DTNA: variants seen among roughly 807,000 people sequenced by gnomAD.
DTNA encodes the protein dystrobrevin alpha, also known as dystrophin-related protein 3.
Under a neutral mutation model 100.7 loss-of-function variants are expected in DTNA, and 43 were observed. That is an observed-to-expected ratio of 0.43 (90% CI 0.33 to 0.55). The LOEUF is 0.55. DTNA is among the 20% of genes least tolerant of loss of function. The probability of loss-of-function intolerance (pLI) is 0.04; values close to 1 mark genes in which losing one functional copy is unlikely to be tolerated. For synonymous variants in DTNA, 349 were observed against 347.9 expected (o/e 1.00, Z -0.04); for missense variants, 798 against 953.9 (o/e 0.84, Z 2.15).
chr18:34,862,140 A>AAAG (rs572649368), intron 16 of DTNA, among the ~76,000 whole-genome samples: 7,548 of 146,914 alleles, frequency 0.051, 669 homozygotes, highest in African/African-American at 0.18. Flanking sequence ...AAAAAAAAAA[A>AAAG]AAAGAGAAAG....
At chr18:34,755,865 T>A (rs1291513127) in intron 1 of DTNA, 111 bp from the exon 2 acceptor site, 1 of 917,640 alleles carries the variant, frequency 1.1e-6, no homozygotes, top group Non-Finnish European at 1.7e-6. Flanking sequence ...CAGTTTTAAA[T>A]AGGTTTTCTA....
chr18:34,818,517 T>C, intron 8 of DTNA, 187 bp downstream of exon 8: 1 of 1,475,336 alleles, frequency 6.8e-7, no homozygotes, highest in Non-Finnish European at 9.0e-7. Context: ...TGGAACCCAG[T>C]GTAGCTTCCT....
intron 13 of DTNA, among the ~76,000 whole-genome samples, chr18:34,842,033 AT>A (rs1465142414): frequency 1.3e-5 from 2 of 152,164 alleles, no homozygotes; most frequent in East Asian, 3.8e-4. Flanking sequence ...AATAATTTGT[AT>A]GCACCTTCCT....
chr18:34,856,865 T>A (rs1005489061), intron 15 of DTNA, among the ~76,000 whole-genome samples: 1 of 152,238 alleles, frequency 6.6e-6, no homozygotes, highest in African/African-American at 2.4e-5. Flanking sequence ...TTTCCTTCCT[T>A]GGACCAAATG....
chr18:34,647,676 A>C (rs1270970790), intron 1 of DTNA, among the ~76,000 whole-genome samples: 1 of 152,212 alleles, frequency 6.6e-6, no homozygotes, highest in Non-Finnish European at 1.5e-5. Context: ...AATTATGAAA[A>C]ATTTAGCAAG....
chr18:34,521,584 A>T (rs1259582461), intron 1 of DTNA, among the ~76,000 whole-genome samples: 1 of 151,954 alleles, frequency 6.6e-6, no homozygotes, highest in Non-Finnish European at 1.5e-5. Flanking sequence ...GCTTCATCTC[A>T]TATTACTCTA....
Position 34,888,332 on chromosome 18 carries a change from T to C in DTNA, c.*598T>C, listed in dbSNP as rs2096940666. The C allele has an allele frequency of 4.1e-6, 4 of 985,682 alleles. No individual in the cohort carries two copies. The Admixed American group carries it at 2.5e-4, about 61-fold the overall frequency. The allele number at this position is 985,682 out of a possible 1,614,324, so 61.1% of individuals were successfully genotyped here. On this transcript the variant is annotated 3_prime_UTR_variant, in exon 23 of 23. Transcript: ENST00000444659. Reference sequence around the variant, plus strand: ...CATTCAATAACCCTGAAGAATTTGGTTCCTGAGTGTACAAACTCAGAGCCC... The same window carrying C: ...CATTCAATAACCCTGAAGAATTTGGCTCCTGAGTGTACAAACTCAGAGCCC...
Position 34,585,315 on chromosome 18 carries a change from A to G in DTNA, c.-2+91801A>G, listed in dbSNP as rs79758566. Among the ~76,000 whole-genome samples, 272 of 152,300 alleles carry G rather than the reference A, an allele frequency of 1.8e-3. 2 individuals carry two copies. The highest frequency in any genetic ancestry group is 0.014 in the East Asian group (73 of 5,182). ...GTATTAAGAGGAATGTTGCATTTCT[A>G]TTGGAGAGTTTGAGGAAATATAAGA... On this transcript the variant is annotated intron_variant, in intron 1 of 19. Transcript: ENST00000283365.
intron 1 of DTNA, among the ~76,000 whole-genome samples, chr18:34,532,409 T>C (rs936770988): frequency 1.3e-5 from 2 of 152,090 alleles, no homozygotes; most frequent in African/African-American, 4.8e-5. Context: ...AGGTGGATTA[T>C]AGAGTGTGGA....
At chr18:34,783,365 A>G (rs1192327643) in intron 3 of DTNA, among the ~76,000 whole-genome samples, 1 of 152,330 alleles carries the variant, frequency 6.6e-6, no homozygotes, top group East Asian at 1.9e-4. Flanking sequence ...GAAGATTGGC[A>G]TGATATTCAA....
intron 1 of DTNA, among the ~76,000 whole-genome samples, chr18:34,725,728 C>A (rs1031897126): frequency 6.6e-6 from 1 of 152,148 alleles, no homozygotes; most frequent in African/African-American, 2.4e-5. Context: ...TACCCTTTGA[C>A]CCAACAATCC....
At chr18:34,621,775 ATG>A (rs1398464349) in intron 1 of DTNA, among the ~76,000 whole-genome samples, 2 of 152,214 alleles carry the variant, frequency 1.3e-5, no homozygotes, top group African/African-American at 4.8e-5. Flanking sequence ...GTTAAAAACA[ATG>A]TATTTTATTC....
At chr18:34,764,730 A>G (rs1376597030) in intron 2 of DTNA, among the ~76,000 whole-genome samples, 1 of 152,224 alleles carries the variant, frequency 6.6e-6, no homozygotes, top group East Asian at 1.9e-4. Flanking sequence ...TTGGCCGTCT[A>G]ATATAATCGC....
intron 1 of DTNA, among the ~76,000 whole-genome samples, chr18:34,586,281 C>T (rs546101227): frequency 2.7e-4 from 41 of 152,254 alleles, no homozygotes; most frequent in African/African-American, 9.9e-4. Flanking sequence ...GGTGTTGGGA[C>T]GTGGTGCCTC....
intron 1 of DTNA, among the ~76,000 whole-genome samples, chr18:34,638,531 C>CT (rs1328690232): frequency 6.6e-6 from 1 of 152,222 alleles, no homozygotes; most frequent in African/African-American, 2.4e-5. Flanking sequence ...AGGCATCATT[C>CT]TTTATCTTCC....
intron 1 of DTNA, among the ~76,000 whole-genome samples, chr18:34,518,150 G>A (rs1313530026): frequency 6.6e-6 from 1 of 152,138 alleles, no homozygotes; most frequent in Admixed American, 6.6e-5. Context: ...ATATCTCATT[G>A]TGGTTTTACT....
Position 34,860,323 on chromosome 18 carries a change from T to C in DTNA, c.1646+1925T>C, listed in dbSNP as rs539440640. Among the ~76,000 whole-genome samples the C allele has an allele frequency of 6.6e-5, 9 of 136,016 alleles. No individual in the cohort carries two copies. The South Asian group carries it at 2.3e-3, about 35-fold the overall frequency. The allele number at this position is 136,016 out of a possible 152,430, so 89.2% of individuals were successfully genotyped here. ...ACCTCGTGATCCACCTGCCTCGGCC[T>C]CCCAAAGTGCTGGAATTACAGGCGT... On this transcript the variant is annotated intron_variant, in intron 16 of 22. Transcript: ENST00000444659.
chr18:34,510,868 C>T lies in DTNA; in HGVS notation c.-2+17354C>T, dbSNP rs185486872. 3.6e-4 allele frequency among the ~76,000 whole-genome samples: 54 copies of T among 151,978 alleles called. No homozygotes were observed. The East Asian group carries it at 9.3e-3, about 26-fold the overall frequency. The stretch of plus-strand genomic sequence containing the variant: ...AAAATCAGAATGCATGGATCTCATC[C>T]CCTAGTTTCCCACTTAAATGGCCTT... On this transcript the variant is annotated intron_variant, in intron 1 of 19. Transcript: ENST00000283365.
intron 1 of DTNA, among the ~76,000 whole-genome samples, chr18:34,576,548 T>A (rs963663411): frequency 3.9e-5 from 6 of 152,148 alleles, no homozygotes; most frequent in Admixed American, 1.3e-4. Context: ...AACCTCCTCC[T>A]CCCTGGTTCA....
Sources: gnomAD v4.1 joint callset for allele counts (sites outside exome capture counted in the v4.1 genomes callset) on GRCh38, gnomAD v4.1.1 for gene constraint, MANE v1.5 for transcripts, NCBI Gene and HGNC (gene_info 2026-07-23, HGNC 2026-07-21) for gene names.